UBE2H: variants seen among roughly 807,000 people sequenced by gnomAD.
The protein encoded by UBE2H is ubiquitin conjugating enzyme E2 H.
A neutral mutation model predicts 29.0 loss-of-function variants in UBE2H; 3 were observed. The observed-to-expected ratio is 0.10, with a 90% CI of 0.05 to 0.27. The LOEUF (loss-of-function observed/expected upper bound fraction) is 0.27, where lower values mean the gene tolerates loss of function less well. Ranked by LOEUF, UBE2H falls within the 10% of genes least tolerant of loss-of-function variation. The pLI is 1.00. For missense variants in UBE2H, 68 were observed against 228.2 expected (o/e 0.30, Z 4.52); for synonymous variants, 69 against 82.9 (o/e 0.83, Z 0.91).
chr7:129,883,528 A>G (rs1806296416), intron 1 of UBE2H, among the ~76,000 whole-genome samples: 1 of 152,274 alleles, frequency 6.6e-6, no homozygotes, highest in Non-Finnish European at 1.5e-5. Flanking sequence ...GTCACCCAAA[A>G]GAAAATTACA....
chr7:129,884,416 CAAAAAA>C (rs769298737), intron 1 of UBE2H, among the ~76,000 whole-genome samples: 2 of 82,388 alleles, frequency 2.4e-5, no homozygotes, highest in Non-Finnish European at 4.8e-5. Flanking sequence ...GACTCCATCT[CAAAAAA>C]AAAAAAAAAA....
At chr7:129,916,856 T>C (rs1446564269) in intron 1 of UBE2H, among the ~76,000 whole-genome samples, 1 of 151,978 alleles carries the variant, frequency 6.6e-6, no homozygotes. Flanking sequence ...GCTAACACGG[T>C]GAAACCCCAT....
At chr7:129,890,364 T>C (rs545262506) in intron 1 of UBE2H, among the ~76,000 whole-genome samples, 3 of 151,932 alleles carry the variant, frequency 2.0e-5, no homozygotes, top group East Asian at 3.9e-4. Flanking sequence ...TATACACATA[T>C]ATATACACAC....
At chr7:129,876,568 G>GT (rs1014869774) in intron 3 of UBE2H, among the ~76,000 whole-genome samples, 2 of 152,182 alleles carry the variant, frequency 1.3e-5, no homozygotes, top group African/African-American at 4.8e-5. Flanking sequence ...TAGAGGGCCG[G>GT]TTTTATACCC....
At chr7:129,935,635 C>A (rs1458077549) in intron 1 of UBE2H, among the ~76,000 whole-genome samples, 3 of 152,000 alleles carry the variant, frequency 2.0e-5, no homozygotes, top group Admixed American at 2.0e-4. Flanking sequence ...TAGAGAGGTA[C>A]CAGAACACTG....
chr7:129,902,552 C>G (rs1363097784), intron 1 of UBE2H, among the ~76,000 whole-genome samples: 1 of 152,154 alleles, frequency 6.6e-6, no homozygotes, highest in Non-Finnish European at 1.5e-5. Context: ...CTCCATGGGA[C>G]GGGGGAAGGC....
chr7:129,858,240 G>A (rs1015450580), intron 4 of UBE2H, among the ~76,000 whole-genome samples: 3 of 152,084 alleles, frequency 2.0e-5, no homozygotes, highest in Admixed American at 2.0e-4. Context: ...TAGGATAACT[G>A]ATACAATAAA....
intron 3 of UBE2H, among the ~76,000 whole-genome samples, chr7:129,874,891 G>C (rs1164161949): frequency 6.6e-6 from 1 of 152,086 alleles, no homozygotes; most frequent in Admixed American, 6.6e-5. Context: ...TAAACTCTAA[G>C]CAGAAAACAA....
chr7:129,862,429 GAA>G (rs959300261), intron 3 of UBE2H, among the ~76,000 whole-genome samples: 2 of 152,136 alleles, frequency 1.3e-5, no homozygotes, highest in African/African-American at 4.8e-5. Context: ...TACCTGTAAG[GAA>G]AGGTCTTTAG....
At chr7:129,888,449 T>C (rs1411331702) in intron 1 of UBE2H, among the ~76,000 whole-genome samples, 3 of 151,928 alleles carry the variant, frequency 2.0e-5, no homozygotes, top group South Asian at 2.1e-4. Flanking sequence ...GCCCAGGAGT[T>C]TGAGACCAGC....
intron 1 of UBE2H, among the ~76,000 whole-genome samples, chr7:129,883,093 T>C (rs1302246903): frequency 6.6e-6 from 1 of 152,092 alleles, no homozygotes; most frequent in African/African-American, 2.4e-5. Flanking sequence ...ATTAAAGAAG[T>C]TTAAAAAGAT....
At chr7:129,843,235 G>A (rs1047078397) in intron 5 of UBE2H, among the ~76,000 whole-genome samples, 20 of 151,926 alleles carry the variant, frequency 1.3e-4, no homozygotes, top group African/African-American at 3.6e-4. Context: ...TCCTGACCTC[G>A]TGATCTGCCC....
intron 1 of UBE2H, among the ~76,000 whole-genome samples, chr7:129,937,537 CGTGGATAAAAAAGATGA>C (rs949604993): frequency 5.9e-5 from 9 of 152,186 alleles, no homozygotes; most frequent in South Asian, 2.1e-4. Context: ...TGCAGGAGCT[CGTGGATAAAAAAGATGA>C]GTGGATAAAA....
At chr7:129,900,732 TGATTAA>T (rs1333248885) in intron 1 of UBE2H, among the ~76,000 whole-genome samples, 1 of 151,382 alleles carries the variant, frequency 6.6e-6, no homozygotes, top group Non-Finnish European at 1.5e-5. Flanking sequence ...TAGCATCGTA[TGATTAA>T]GATTTCTTTT....
At chr7:129,872,658 A>G (rs766589108) in intron 3 of UBE2H, among the ~76,000 whole-genome samples, 1 of 152,058 alleles carries the variant, frequency 6.6e-6, no homozygotes, top group Non-Finnish European at 1.5e-5. Flanking sequence ...CCTGGCCAAC[A>G]TGGTGAAACC....
intron 3 of UBE2H, among the ~76,000 whole-genome samples, chr7:129,875,410 C>T (rs569195200): frequency 2.6e-4 from 40 of 152,138 alleles, no homozygotes; most frequent in Non-Finnish European, 5.3e-4. Flanking sequence ...ATTTAGGTTG[C>T]TTCTGACTTT....
At chr7:129,919,132 A>T (rs946493699) in intron 1 of UBE2H, among the ~76,000 whole-genome samples, 11 of 151,106 alleles carry the variant, frequency 7.3e-5, no homozygotes, top group Non-Finnish European at 1.3e-4. Context: ...GCACCAAAAA[A>T]CAAGGCACAT....
chr7:129,867,723 C>CAAAAAAAAAAAAAAAAAAAAAAA (rs1563027569), intron 3 of UBE2H, among the ~76,000 whole-genome samples: 43 of 65,558 alleles, frequency 6.6e-4, no homozygotes, highest in East Asian at 1.8e-3. Flanking sequence ...AAAAAGAAAA[C>CAAAAAAAAAAAAAAAAAAAAAAA]CAAAAAAAAA....
intron 1 of UBE2H, among the ~76,000 whole-genome samples, chr7:129,924,557 T>C (rs1213894667): frequency 6.6e-6 from 1 of 151,856 alleles, no homozygotes; most frequent in Non-Finnish European, 1.5e-5. Flanking sequence ...CTATCTTCAA[T>C]TCTGTATTCC....
Sources: gnomAD v4.1 joint callset for allele counts (sites outside exome capture counted in the v4.1 genomes callset) on GRCh38, gnomAD v4.1.1 for gene constraint, MANE v1.5 for transcripts, NCBI Gene and HGNC (gene_info 2026-07-23, HGNC 2026-07-21) for gene names.